The following TUSC3 variants were observed in gnomAD, a reference collection of about 807,000 sequenced individuals.
TUSC3 encodes tumor suppressor candidate 3.
In TUSC3, 45 loss-of-function variants were observed where a neutral mutation model predicts 44.8. The observed-to-expected ratio is 1.00, with a 90% CI of 0.79 to 1.29. The LOEUF (loss-of-function observed/expected upper bound fraction) is 1.29, where lower values mean the gene tolerates loss of function less well. Ranked by LOEUF, TUSC3 falls within the 50% of genes most tolerant of loss-of-function variation. TUSC3 has a pLI of 0.00. For missense variants in TUSC3, 519 were observed against 437.9 expected (o/e 1.19, Z -1.65); for synonymous variants, 212 against 152.9 (o/e 1.39, Z -2.85).
intron 6 of TUSC3, among the ~76,000 whole-genome samples, chr8:15,715,864 A>G (rs1403526629): frequency 1.3e-5 from 2 of 152,138 alleles, no homozygotes; most frequent in African/African-American, 4.8e-5. Flanking sequence ...TTTCCATGAA[A>G]ACGTATCTTT....
chr8:15,702,161 T>G (rs1585246543), intron 6 of TUSC3, among the ~76,000 whole-genome samples: 1 of 152,288 alleles, frequency 6.6e-6, no homozygotes, highest in Non-Finnish European at 1.5e-5. Flanking sequence ...TTTTGTAGAC[T>G]CTTTTTGTTT....
chr8:15,794,159 G>C, the TUSC3 span, among the ~76,000 whole-genome samples: 1 of 152,136 alleles, frequency 6.6e-6, no homozygotes, highest in South Asian at 2.1e-4. Flanking sequence ...ATTAAACTTA[G>C]GGAATCTGCT....
the TUSC3 span, among the ~76,000 whole-genome samples, chr8:15,773,566 C>T: frequency 6.6e-6 from 1 of 152,200 alleles, no homozygotes. Flanking sequence ...ATCCAGTGGC[C>T]TTTTTGCAAA....
the TUSC3 span, among the ~76,000 whole-genome samples, chr8:15,805,388 G>T: frequency 3.9e-5 from 6 of 152,082 alleles, no homozygotes; most frequent in Non-Finnish European, 8.8e-5. Context: ...GTGGTTGAGA[G>T]TGGGCATCTT....
the TUSC3 span, among the ~76,000 whole-genome samples, chr8:15,779,007 A>T: frequency 6.6e-6 from 1 of 152,096 alleles, no homozygotes; most frequent in South Asian, 2.1e-4. Flanking sequence ...GTAATTCCTC[A>T]GCACTAGGAC....
chr8:15,550,142 C>T lies in TUSC3; in HGVS notation c.138+9574C>T, dbSNP rs979407795. Among the ~76,000 whole-genome samples the T allele has an allele frequency of 7.9e-5, 12 of 151,712 alleles. 1 individual carries two copies. Among genetic ancestry groups the T allele is most frequent in the Admixed American group, 3.3e-4 (5 of 15,184 alleles). ...TCCATACAATGTCTGTAATCATAGCCGATTAGGTCAGGGGTCGTTCTTTAA... is the reference window on the plus strand; with the variant it reads ...TCCATACAATGTCTGTAATCATAGCTGATTAGGTCAGGGGTCGTTCTTTAA... On this transcript the variant is annotated intron_variant, in intron 1 of 10. Coordinates refer to ENST00000503731, the MANE Select transcript of TUSC3 (RefSeq NM_006765.4).
At chr8:15,487,684 A>G (rs1382898884) in intron 2 of TUSC3, among the ~76,000 whole-genome samples, 1 of 152,198 alleles carries the variant, frequency 6.6e-6, no homozygotes, top group Non-Finnish European at 1.5e-5. Context: ...CTGTTACTCC[A>G]ATATCAGCAC....
chr8:15,487,125 T>C (rs1346322655), intron 2 of TUSC3, among the ~76,000 whole-genome samples: 1 of 152,216 alleles, frequency 6.6e-6, no homozygotes, highest in Non-Finnish European at 1.5e-5. Context: ...ATTTGAGGAA[T>C]ATTTTCCTGT....
chr8:15,571,052 G>T (rs928212831), intron 1 of TUSC3, among the ~76,000 whole-genome samples: 3 of 140,316 alleles, frequency 2.1e-5, no homozygotes, highest in East Asian at 4.5e-4. Flanking sequence ...TACCTCCTAG[G>T]TTCAAGGGAT....
chr8:15,523,708 G>GTATATATATATATATATATATATATA (rs71211051), intron 2 of TUSC3, among the ~76,000 whole-genome samples: 35 of 112,460 alleles, frequency 3.1e-4, no homozygotes, highest in African/African-American at 1.3e-3. Flanking sequence ...GTGTGTGTGT[G>GTATATATATATATATATATATATATA]TATATATATA....
At chr8:15,807,232 AC>A in the TUSC3 span, 14,030 of 658,394 alleles carry the variant, frequency 0.021, 209 homozygotes, top group Middle Eastern at 0.055. Context: ...TAATTACCCC[AC>A]CCCCAGGCAT....
the TUSC3 span, among the ~76,000 whole-genome samples, chr8:15,826,792 A>C: frequency 6.6e-6 from 1 of 152,232 alleles, no homozygotes; most frequent in Admixed American, 6.5e-5. Context: ...ATATCCTCTG[A>C]CTGAAATTTG....
At chr8:15,819,935 C>T in the TUSC3 span, among the ~76,000 whole-genome samples, 4 of 152,132 alleles carry the variant, frequency 2.6e-5, no homozygotes, top group Admixed American at 1.3e-4. Context: ...GTCATATGGT[C>T]TAATCTCAGG....
intron 3 of TUSC3, among the ~76,000 whole-genome samples, chr8:15,657,313 C>T (rs1209510658): frequency 6.6e-6 from 1 of 152,056 alleles, no homozygotes; most frequent in Non-Finnish European, 1.5e-5. Flanking sequence ...TTATTATATG[C>T]ATTTAAAGTA....
chr8:15,619,254 G>C (rs1430760543), intron 1 of TUSC3, among the ~76,000 whole-genome samples: 2 of 152,096 alleles, frequency 1.3e-5, no homozygotes, highest in Non-Finnish European at 2.9e-5. Context: ...ACATGGATTT[G>C]TGTTTCCAGC....
chr8:15,530,381 A>C (rs908693193), intron 2 of TUSC3, among the ~76,000 whole-genome samples: 3 of 152,184 alleles, frequency 2.0e-5, no homozygotes, highest in African/African-American at 7.2e-5. Flanking sequence ...ATTTCTAGAA[A>C]AGCTACTATC....
intron 2 of TUSC3, among the ~76,000 whole-genome samples, chr8:15,501,867 A>G (rs1795156873): frequency 6.6e-6 from 1 of 152,220 alleles, no homozygotes; most frequent in Non-Finnish European, 1.5e-5. Flanking sequence ...TGTATTTGAA[A>G]AAGTATTTAA....
intron 9 of TUSC3, among the ~76,000 whole-genome samples, chr8:15,754,806 T>G (rs528079673): frequency 6.6e-6 from 1 of 152,024 alleles, no homozygotes; most frequent in African/African-American, 2.4e-5. Flanking sequence ...TTTTTTACAT[T>G]TTTTCCTCAC....
intron 3 of TUSC3, 21 bp downstream of exon 3, chr8:15,650,835 C>A: frequency 6.3e-7 from 1 of 1,593,800 alleles, no homozygotes; most frequent in South Asian, 1.1e-5. Context: ...ATATCGTATT[C>A]ATATATTTAA....
Sources: gnomAD v4.1 joint callset for allele counts (sites outside exome capture counted in the v4.1 genomes callset) on GRCh38, gnomAD v4.1.1 for gene constraint, MANE v1.5 for transcripts, NCBI Gene and HGNC (gene_info 2026-07-23, HGNC 2026-07-21) for gene names.